TAFA1: variants seen among roughly 807,000 people sequenced by gnomAD.
TAFA1 encodes the protein chemokine-like protein TAFA-1.
TAFA1 carries 4 observed loss-of-function variants against 18.5 expected under a neutral mutation model. The ratio of observed to expected loss-of-function variants is 0.22; its 90% confidence interval spans 0.11 to 0.49. The LOEUF (loss-of-function observed/expected upper bound fraction) is 0.49, where lower values mean the gene tolerates loss of function less well. Ranked by LOEUF, TAFA1 falls within the 20% of genes least tolerant of loss-of-function variation. TAFA1 has a pLI of 0.98. For missense variants in TAFA1, 147 were observed against 169.0 expected (o/e 0.87, Z 0.72); for synonymous variants, 56 against 55.2 (o/e 1.01, Z -0.06).
chr3:68,544,407 CT>C, intron 4 of TAFA1, 78 bp from the exon 5 acceptor site: 3 of 1,446,268 alleles, frequency 2.1e-6, no homozygotes, highest in Non-Finnish European at 2.9e-6. Flanking sequence ...AGGTGTCCTC[CT>C]TTTCTACATA....
At chr3:68,107,314 T>C (rs2065214862) in intron 2 of TAFA1, among the ~76,000 whole-genome samples, 1 of 152,126 alleles carries the variant, frequency 6.6e-6, no homozygotes, top group African/African-American at 2.4e-5. Context: ...TGAAAACATA[T>C]TCATCCAGAT....
chr3:68,443,250 C>T (rs146902163), intron 3 of TAFA1, among the ~76,000 whole-genome samples: 184 of 152,136 alleles, frequency 1.2e-3, no homozygotes, highest in African/African-American at 4.3e-3. Flanking sequence ...GAAGCACAAG[C>T]ACAGAACCCT....
intron 2 of TAFA1, among the ~76,000 whole-genome samples, chr3:68,097,165 G>A (rs541256720): frequency 2.0e-5 from 3 of 152,066 alleles, no homozygotes; most frequent in Non-Finnish European, 2.9e-5. Context: ...AGAAATGATC[G>A]CCTGACACAC....
intron 2 of TAFA1, among the ~76,000 whole-genome samples, chr3:68,216,772 C>T (rs1016504423): frequency 6.6e-5 from 10 of 151,994 alleles, no homozygotes; most frequent in African/African-American, 1.5e-4. Flanking sequence ...ACTCCATAAT[C>T]GCAGAGTCAA....
At chr3:68,190,562 C>A (rs1338179761) in intron 2 of TAFA1, among the ~76,000 whole-genome samples, 1 of 151,856 alleles carries the variant, frequency 6.6e-6, no homozygotes, top group African/African-American at 2.4e-5. Flanking sequence ...ATGTAAATCC[C>A]AGGCAGTTCC....
At chr3:68,098,345 C>A (rs368098229) in intron 2 of TAFA1, among the ~76,000 whole-genome samples, 2 of 152,058 alleles carry the variant, frequency 1.3e-5, no homozygotes, top group Admixed American at 6.6e-5. Context: ...TGTGCCACTT[C>A]TGTCTTTTGA....
In TAFA1 at chr3:68,449,766, T is replaced by A. The variant is rs147267113; in HGVS notation, c.259+32346T>A. ...TGAGTGTGGCCATTTATCATCAAGC[T>A]TAAAGCACATTTTTCTTATGGTGAA... On this transcript the variant is annotated intron_variant, in intron 3 of 4. Coordinates refer to ENST00000478136, the MANE Select transcript of TAFA1 (RefSeq NM_213609.4). 6.0e-3 allele frequency among the ~76,000 whole-genome samples: 916 copies of A among 152,332 alleles called. 12 individuals carry two copies. The highest frequency in any genetic ancestry group is 0.02 in the African/African-American group (848 of 41,570).
chr3:68,076,551 T>C (rs2064827486), intron 2 of TAFA1, among the ~76,000 whole-genome samples: 1 of 149,432 alleles, frequency 6.7e-6, no homozygotes, highest in Non-Finnish European at 1.5e-5. Flanking sequence ...AGTGAGAATA[T>C]GCGGTGTTTG....
intron 2 of TAFA1, among the ~76,000 whole-genome samples, chr3:68,372,840 C>T (rs1195107754): frequency 6.6e-6 from 1 of 151,900 alleles, no homozygotes; most frequent in Non-Finnish European, 1.5e-5. Flanking sequence ...AAAGAATAGC[C>T]CCAATAAGAA....
intron 2 of TAFA1, among the ~76,000 whole-genome samples, chr3:68,386,789 G>C (rs891268213): frequency 6.6e-6 from 1 of 152,088 alleles, no homozygotes; most frequent in Non-Finnish European, 1.5e-5. Flanking sequence ...CTGCAGCTTT[G>C]CCTGCCAGAA....
At chr3:68,495,495 C>T (rs143021553) in intron 3 of TAFA1, among the ~76,000 whole-genome samples, 1 of 152,164 alleles carries the variant, frequency 6.6e-6, no homozygotes, top group African/African-American at 2.4e-5. Flanking sequence ...TGCTTGGGAC[C>T]TCAATATATG....
At chr3:68,081,416 G>T (rs914912715) in intron 2 of TAFA1, among the ~76,000 whole-genome samples, 1 of 151,884 alleles carries the variant, frequency 6.6e-6, no homozygotes, top group Non-Finnish European at 1.5e-5. Flanking sequence ...CAGTTTTTCT[G>T]TTCTGTTTGT....
At chr3:68,257,154 C>T (rs1423597253) in intron 2 of TAFA1, among the ~76,000 whole-genome samples, 1 of 152,074 alleles carries the variant, frequency 6.6e-6, no homozygotes, top group Admixed American at 6.6e-5. Flanking sequence ...TTCTGCTACA[C>T]AGGACATCTG....
At chr3:68,348,783 C>T (rs748278749) in intron 2 of TAFA1, among the ~76,000 whole-genome samples, 12 of 152,076 alleles carry the variant, frequency 7.9e-5, no homozygotes, top group East Asian at 1.9e-4. Flanking sequence ...AAAAACTCAA[C>T]ATGCAATGTA....
chr3:67,997,235 A>T, the TAFA1 span, among the ~76,000 whole-genome samples: 1 of 152,224 alleles, frequency 6.6e-6, no homozygotes, highest in South Asian at 2.1e-4. Context: ...ATTACACCAA[A>T]TAAATCAAAT....
chr3:68,510,040 C>G (rs2072822007), intron 3 of TAFA1, among the ~76,000 whole-genome samples: 1 of 152,072 alleles, frequency 6.6e-6, no homozygotes, highest in Non-Finnish European at 1.5e-5. Context: ...CATGGCTTAT[C>G]ATATCCTTAA....
At chr3:68,218,603 C>T (rs558978141) in intron 2 of TAFA1, among the ~76,000 whole-genome samples, 1 of 152,214 alleles carries the variant, frequency 6.6e-6, no homozygotes, top group Non-Finnish European at 1.5e-5. Context: ...GTAACTGCTA[C>T]CTTCAAATAC....
intron 2 of TAFA1, among the ~76,000 whole-genome samples, chr3:68,241,034 A>G (rs958336917): frequency 6.6e-6 from 1 of 152,138 alleles, no homozygotes; most frequent in Non-Finnish European, 1.5e-5. Flanking sequence ...TTGGGGAAAA[A>G]CACCACTATA....
intron 2 of TAFA1, among the ~76,000 whole-genome samples, chr3:68,068,849 G>C (rs540527991): frequency 6.6e-6 from 1 of 152,162 alleles, no homozygotes; most frequent in Admixed American, 6.5e-5. Context: ...TTTGGAGCAC[G>C]TATTATGTGA....
Sources: gnomAD v4.1 joint callset for allele counts (sites outside exome capture counted in the v4.1 genomes callset) on GRCh38, gnomAD v4.1.1 for gene constraint, MANE v1.5 for transcripts, NCBI Gene and HGNC (gene_info 2026-07-23, HGNC 2026-07-21) for gene names.